The following TMEM143 variants were observed in gnomAD, a reference collection of about 807,000 sequenced individuals.
TMEM143 encodes the protein transmembrane protein 143.
In TMEM143, 45 loss-of-function variants were observed where a neutral mutation model predicts 40.3. The observed-to-expected ratio is 1.12, with a 90% CI of 0.88 to 1.43. The LOEUF is 1.43. Among genes scored for constraint, TMEM143 ranks in the 40% most tolerant of loss-of-function variants. The pLI is 0.00. For missense variants in TMEM143, 620 were observed against 613.4 expected (o/e 1.01, Z -0.11); for synonymous variants, 299 against 282.7 (o/e 1.06, Z -0.58).
chr19:48,343,762 A>G (rs1239201737), intron 4 of TMEM143, among the ~76,000 whole-genome samples: 1 of 152,234 alleles, frequency 6.6e-6, no homozygotes, highest in Non-Finnish European at 1.5e-5. Flanking sequence ...AAATGATGTC[A>G]CACCACCACC....
intron 2 of TMEM143, among the ~76,000 whole-genome samples, chr19:48,362,100 G>C (rs900947640): frequency 1.3e-5 from 2 of 152,026 alleles, no homozygotes; most frequent in Non-Finnish European, 2.9e-5. Context: ...GTGTATATTT[G>C]TGTATTTGTG....
intron 5 of TMEM143, chr19:48,343,115 C>T: frequency 1.3e-6 from 1 of 743,030 alleles, no homozygotes; most frequent in African/African-American, 1.8e-5. Context: ...GGAGAACTGT[C>T]CCCATCCTTT....
chr19:48,354,470 G>C (rs1042757454), intron 3 of TMEM143, among the ~76,000 whole-genome samples: 1 of 151,980 alleles, frequency 6.6e-6, no homozygotes, highest in African/African-American at 2.4e-5. Context: ...TCACCATGTT[G>C]GCCAAGCTGG....
At chr19:48,345,945 C>T (rs1969620136) in intron 3 of TMEM143, among the ~76,000 whole-genome samples, 2 of 150,452 alleles carry the variant, frequency 1.3e-5, no homozygotes, top group South Asian at 2.1e-4. Context: ...CCACCATGCC[C>T]GGTTAATTTT....
intron 3 of TMEM143, among the ~76,000 whole-genome samples, chr19:48,350,919 CAAAAAAAAAAAAAA>C (rs71181680): frequency 1.1e-5 from 1 of 88,242 alleles, no homozygotes. Flanking sequence ...GACTACATCT[CAAAAAAAAAAAAAA>C]AAAAAAAAAA....
chr19:48,356,429 C>T (rs1416130351), intron 3 of TMEM143, among the ~76,000 whole-genome samples: 1 of 118,514 alleles, frequency 8.4e-6, no homozygotes, highest in African/African-American at 3.2e-5. Flanking sequence ...CCCGGCCCTC[C>T]TTTTTTTTTT....
chr19:48,338,129 C>A (rs572037070), intron 6 of TMEM143, among the ~76,000 whole-genome samples: 26 of 152,250 alleles, frequency 1.7e-4, no homozygotes, highest in African/African-American at 6.3e-4. Context: ...ACAGGCCAGG[C>A]CCCTGGCACC....
chr19:48,346,388 A>C (rs1245884163), intron 3 of TMEM143, among the ~76,000 whole-genome samples: 1 of 152,072 alleles, frequency 6.6e-6, no homozygotes, highest in Non-Finnish European at 1.5e-5. Flanking sequence ...TGTGCCCAGC[A>C]GATTCTTTTC....
chr19:48,343,256 T>C, intron 5 of TMEM143, 65 bp downstream of exon 5: 1 of 1,547,504 alleles, frequency 6.5e-7, no homozygotes, highest in Non-Finnish European at 8.7e-7. Context: ...CACTGACCTG[T>C]CAGTCCCCTC....
At chr19:48,362,968 C>A (rs1970085131) in intron 2 of TMEM143, among the ~76,000 whole-genome samples, 1 of 152,122 alleles carries the variant, frequency 6.6e-6, no homozygotes, top group South Asian at 2.1e-4. Flanking sequence ...TTTATAGGTA[C>A]AATTATTATC....
At chr19:48,352,251 A>AAAAAAAAAAAAAAAAAAAAAACAAAC (rs1569033843) in intron 3 of TMEM143, among the ~76,000 whole-genome samples, 2 of 147,844 alleles carry the variant, frequency 1.4e-5, no homozygotes, top group African/African-American at 2.5e-5. Flanking sequence ...TGTCTCAAAA[A>AAAAAAAAAAAAAAAAAAAAAACAAAC]AAAAAAAAAA....
rs1969252871 is a variant in TMEM143 at position 48,333,163 on chromosome 19, GA to G, written c.*55del. On this transcript the variant is annotated 3_prime_UTR_variant, in exon 8 of 8. Transcript: ENST00000293261. The surrounding 1 kb of genome is among the most constrained non-coding windows in gnomAD (Gnocchi z 4.1). ...ATAACCGTAATTGACAGCCTGTCGT[GA>G]AGGAGGCGGGGCTTAGTTCCTAGCC... 7.7e-7 allele frequency: 1 copy of G among 1,306,394 alleles called. No individual in the cohort carries two copies. The highest frequency in any genetic ancestry group is 2.6e-5 in the East Asian group (1 of 38,512). 80.9% of individuals were successfully genotyped at this position (1,306,394 alleles called of 1,614,324 possible). A position where few individuals can be genotyped will look rare whatever the true frequency, so the allele number is the denominator to read the frequency against.
intron 6 of TMEM143, among the ~76,000 whole-genome samples, chr19:48,340,386 A>G (rs947065344): frequency 6.6e-6 from 1 of 151,840 alleles, no homozygotes; most frequent in African/African-American, 2.4e-5. Flanking sequence ...CGGCCTCCCA[A>G]AGTGCTGGGA....
chr19:48,343,396 C>T lies in TMEM143; in HGVS notation c.620G>A (p.Arg207Gln), dbSNP rs1469450475. 5.6e-6 allele frequency: 9 copies of T among 1,600,532 alleles called. No homozygotes were observed. Among genetic ancestry groups the T allele is most frequent in the African/African-American group, 4.0e-5 (3 of 74,626 alleles). Reference protein sequence around the residue: ...VYIHFWALGQRVGQMPLKSSV... With the variant: ...VYIHFWALGQQVGQMPLKSSV... ...GGACTTCAGGGGCATCTGCCCGACTCGCTGGCCCAGGGCCCAGAAGTGAAT... is the reference window on the plus strand; with the variant it reads ...GGACTTCAGGGGCATCTGCCCGACTTGCTGGCCCAGGGCCCAGAAGTGAAT... Residue 207 changes from arginine (R) to glutamine (Q), a missense_variant, in exon 5 of 8, where the codon CGA becomes CAA. Coordinates refer to ENST00000293261, the MANE Select transcript of TMEM143 (RefSeq NM_018273.4).
Position 48,333,250 on chromosome 19 carries a change from G to T in TMEM143, c.1349C>A (p.Pro450Gln). 2.0e-6 allele frequency: 3 copies of T among 1,493,036 alleles called. No homozygotes were observed. The highest frequency in any genetic ancestry group is 1.8e-6 in the Non-Finnish European group (2 of 1,106,412). The allele number at this position is 1,493,036 out of a possible 1,614,324, so 92.5% of individuals were successfully genotyped here. Residue 450 changes from proline to glutamine, a missense_variant, in exon 8 of 8, where the codon CCG becomes CAG. Transcript: ENST00000293261. This position sits in a 1 kb window ranked among gnomAD's most constrained non-coding sequence, Gnocchi z 4.1. ...GATGTTACTGCTGGGCGTGGCTTGC[G>T]GGGGCTCGGAAGTGATCGGAGCCAC... ...DPVAPITSEP[P>Q]QATPSSNIS
chr19:48,343,242 C>A (rs1286358341), intron 5 of TMEM143, 79 bp downstream of exon 5: 1 of 1,509,862 alleles, frequency 6.6e-7, no homozygotes, highest in South Asian at 1.3e-5. Context: ...ACACCCAAAC[C>A]AGACACTGAC....
At chr19:48,358,945 G>A (rs1344587572) in intron 3 of TMEM143, among the ~76,000 whole-genome samples, 2 of 152,154 alleles carry the variant, frequency 1.3e-5, no homozygotes, top group Non-Finnish European at 2.9e-5. Flanking sequence ...AAGGCGGGTG[G>A]ATCACTTGAG....
chr19:48,334,575 C>T (rs1361504070), intron 6 of TMEM143, among the ~76,000 whole-genome samples: 6 of 115,836 alleles, frequency 5.2e-5, no homozygotes, highest in East Asian at 2.4e-4. Flanking sequence ...TCCTTTCTTT[C>T]TTTTCTTTCC....
chr19:48,334,377 G>A (rs1969295223), intron 6 of TMEM143, among the ~76,000 whole-genome samples, 180 bp from the exon 7 acceptor site: 3 of 152,004 alleles, frequency 2.0e-5, no homozygotes, highest in African/African-American at 7.2e-5. Flanking sequence ...TCTATTTGGG[G>A]ATTTTTGGGG....
Sources: allele counts gnomAD v4.1 joint callset (sites outside exome capture counted in the v4.1 genomes callset), GRCh38; gene constraint gnomAD v4.1.1; non-coding constraint Gnocchi (gnomAD v3.1); transcripts MANE v1.5; gene names NCBI Gene and HGNC (gene_info 2026-07-23, HGNC 2026-07-21).